The following APOL6 variants were observed in gnomAD, a reference collection of about 807,000 sequenced individuals.
APOL6 encodes the protein apolipoprotein L, 6.
In APOL6, 1 loss-of-function variant was observed where a neutral mutation model predicts 2.4. That is an observed-to-expected ratio of 0.41 (90% CI 0.15 to 1.94). The LOEUF is 1.94. Among genes scored for constraint, APOL6 ranks in the 30% most tolerant of loss-of-function variants. The pLI is 0.30. For synonymous variants in APOL6, 189 were observed against 169.3 expected, an observed-to-expected ratio of 1.12 and a Z score of -0.90; for missense variants, 438 against 429.2, an observed-to-expected ratio of 1.02 and a Z score of -0.18.
chr22:35,656,102 AAAT>A (rs1311725515), intron 1 of APOL6, among the ~76,000 whole-genome samples: 1 of 152,206 alleles, frequency 6.6e-6, no homozygotes, highest in Non-Finnish European at 1.5e-5. Context: ...ATTTGGCTCA[AAAT>A]AATCCTTATG....
At chr22:35,651,797 T>C (rs1412416090) in intron 1 of APOL6, among the ~76,000 whole-genome samples, 2 of 152,240 alleles carry the variant, frequency 1.3e-5, no homozygotes, top group African/African-American at 2.4e-5. Flanking sequence ...CAGTCTAGCA[T>C]TGTTGGACAT....
At position 35,662,440 on chromosome 22, in the gene APOL6, G is replaced by A. The variant is rs1925054367; in HGVS notation, c.*2844G>A. The A allele has an allele frequency of 6.6e-6, 1 of 152,170 alleles. No homozygotes were observed. Among genetic ancestry groups the A allele is most frequent in the Admixed American group, 6.5e-5 (1 of 15,272 alleles). The allele number at this position is 152,170 out of a possible 1,614,324, so 9.4% of individuals were successfully genotyped here. On this transcript the variant is annotated 3_prime_UTR_variant, in exon 3 of 3. Transcript: ENST00000409652. ...ATTCAAAGTTATCTCTCTGCTCACT[G>A]AGATAGATACATATCTGATTGCCTC...
At chr22:35,652,797 T>C (rs560580101) in intron 1 of APOL6, among the ~76,000 whole-genome samples, 1 of 152,232 alleles carries the variant, frequency 6.6e-6, no homozygotes, top group East Asian at 1.9e-4. Flanking sequence ...TTGGTTACTG[T>C]AGCCTTGTAG....
chr22:35,648,757 G>C (rs1924613023), intron 1 of APOL6, 134 bp downstream of exon 1: 1 of 152,290 alleles, frequency 6.6e-6, no homozygotes, highest in Admixed American at 6.5e-5. Flanking sequence ...GGGTTCAAAT[G>C]CCAGCCAGAG....
chr22:35,652,212 G>A (rs141662351), intron 1 of APOL6, among the ~76,000 whole-genome samples: 1 of 152,018 alleles, frequency 6.6e-6, no homozygotes, highest in African/African-American at 2.4e-5. Context: ...AGAAGTGTCT[G>A]TTCATATCCT....
chr22:35,656,574 C>CT, intron 2 of APOL6, 99 bp downstream of exon 2: 1 of 1,422,194 alleles, frequency 7.0e-7, no homozygotes, highest in Non-Finnish European at 9.9e-7. Context: ...ATAGGATTAG[C>CT]TGTTAAGTGG....
At chr22:35,655,351 T>C (rs1032526309) in intron 1 of APOL6, among the ~76,000 whole-genome samples, 2 of 152,172 alleles carry the variant, frequency 1.3e-5, no homozygotes, top group African/African-American at 4.8e-5. Context: ...CAGGTCAAGA[T>C]GGAGAAAAGG....
At chr22:35,651,660 T>G (rs1480460592) in intron 1 of APOL6, among the ~76,000 whole-genome samples, 1 of 152,156 alleles carries the variant, frequency 6.6e-6, no homozygotes, top group Non-Finnish European at 1.5e-5. Flanking sequence ...TGGTTTTTTG[T>G]CCTTGCGATA....
rs1360526111 is a variant in APOL6, at chr22:35,661,274, C to T, written c.*1678C>T. ...TCGGGAGGCTGAGGCAGGAGAATCGCTTGAACCCAGGCTGTAAAGGTTGCA... is the reference window on the plus strand; with the variant it reads ...TCGGGAGGCTGAGGCAGGAGAATCGTTTGAACCCAGGCTGTAAAGGTTGCA... On this transcript the variant is annotated 3_prime_UTR_variant, in exon 3 of 3. Coordinates refer to ENST00000409652, the MANE Select transcript of APOL6 (RefSeq NM_030641.4). The T allele has an allele frequency of 6.8e-6, 1 of 147,394 alleles. No homozygotes were observed. Among genetic ancestry groups the T allele is most frequent in the Non-Finnish European group, 1.5e-5 (1 of 67,526 alleles). The allele number at this position is 147,394 out of a possible 1,614,324, so 9.1% of individuals were successfully genotyped here. A position where few individuals can be genotyped will look rare whatever the true frequency, so the allele number is the denominator to read the frequency against.
rs1019450015 is a variant in APOL6 at position 35,666,129 on chromosome 22, G to A, written c.*6533G>A. 1 of 152,114 alleles carries A rather than the reference G, an allele frequency of 6.6e-6. No homozygotes were observed. Among genetic ancestry groups the A allele is most frequent in the African/African-American group, 2.4e-5 (1 of 41,432 alleles). 9.4% of individuals were successfully genotyped at this position (152,114 alleles called of 1,614,324 possible). A position where few individuals can be genotyped will look rare whatever the true frequency, so the allele number is the denominator to read the frequency against. On this transcript the variant is annotated 3_prime_UTR_variant, in exon 3 of 3. Coordinates refer to ENST00000409652, the MANE Select transcript of APOL6 (RefSeq NM_030641.4). ...TAATATAACTTAGTGTACATTATCA[G>A]TAATAATCATAATTGTTATATTAAA...
rs1044978530 is a variant in APOL6, at chr22:35,667,148, G to A, written c.*7552G>A. On this transcript the variant is annotated 3_prime_UTR_variant, in exon 3 of 3. Transcript: ENST00000409652. Reference sequence around the variant, plus strand: ...CCCATATTTTGTGTACACAGTCTCCGTACAAGATTTCTGACCTGTAGTAAG... The same window carrying A: ...CCCATATTTTGTGTACACAGTCTCCATACAAGATTTCTGACCTGTAGTAAG... The A allele has an allele frequency of 4.6e-5, 7 of 152,168 alleles. No homozygotes were observed. Among genetic ancestry groups the A allele is most frequent in the African/African-American group, 9.7e-5 (4 of 41,448 alleles). 9.4% of individuals were successfully genotyped at this position (152,168 alleles called of 1,614,324 possible). A position where few individuals can be genotyped will look rare whatever the true frequency, so the allele number is the denominator to read the frequency against.
At position 35,659,462 on chromosome 22, in the gene APOL6, G is replaced by A; in HGVS notation, c.898G>A (p.Ala300Thr). ...CTTGCAGCAGAAAGTGAGGTCAAGG[G>A]CCAGAGGGGTGGGGAAGGATTTAAC... ...KSLQQKVRSR[A>T]RGVGKDLTGT... Residue 300 changes from alanine (A) to threonine (T), a missense_variant, in exon 3 of 3, where the codon GCC becomes ACC. Physicochemically the swap from Ala to Thr is moderately conservative, Grantham distance 58. Transcript: ENST00000409652. 1.2e-6 allele frequency: 2 copies of A among 1,614,042 alleles called. No individual in the cohort carries two copies. The highest frequency in any genetic ancestry group is 1.7e-6 in the Non-Finnish European group (2 of 1,180,022).
chr22:35,651,744 T>C (rs189978356), intron 1 of APOL6, among the ~76,000 whole-genome samples: 26 of 152,346 alleles, frequency 1.7e-4, no homozygotes, highest in African/African-American at 4.8e-4. Context: ...TTTTTATGGC[T>C]GCATAGTATT....
chr22:35,653,566 C>T (rs952500357), intron 1 of APOL6, among the ~76,000 whole-genome samples: 17 of 152,064 alleles, frequency 1.1e-4, no homozygotes, highest in African/African-American at 3.9e-4. Context: ...TTTTGAGATA[C>T]GTGGCAAGGA....
chr22:35,656,451 G>GTGA lies in APOL6; in HGVS notation c.27_29dup (p.Ser9_Glu10insAsp). 1 of 1,614,164 alleles carries GTGA rather than the reference G, an allele frequency of 6.2e-7. No individual in the cohort carries two copies. ...ATGGACAACCAGGCGGAGAGAGAAA[G>GTGA]TGAGGCTGGTGTTGGTTTGCAAAGG... is the stretch of plus-strand genomic sequence containing the variant. On this transcript the variant is annotated inframe_insertion, in exon 2 of 3. Transcript: ENST00000409652.
At position 35,664,450 on chromosome 22, in the gene APOL6, G is replaced by T. The variant is rs935908635; in HGVS notation, c.*4854G>T. The T allele has an allele frequency of 1.3e-5, 2 of 152,210 alleles. No individual in the cohort carries two copies. The highest frequency in any genetic ancestry group is 2.1e-4 in the South Asian group (1 of 4,834). The allele number at this position is 152,210 out of a possible 1,614,324, so 9.4% of individuals were successfully genotyped here. On this transcript the variant is annotated 3_prime_UTR_variant, in exon 3 of 3. Transcript: ENST00000409652. ...TGTTTCGAAGCTGAACTTAAACTAG[G>T]TTCCTCCCAAAGTTCATTCGGCCTA...
intron 2 of APOL6, 68 bp downstream of exon 2, chr22:35,656,543 A>T: frequency 6.4e-7 from 1 of 1,566,886 alleles, no homozygotes; most frequent in Non-Finnish European, 8.8e-7. Context: ...CATCCTCACG[A>T]TAAGGAATAC....
chr22:35,659,674 G>C lies in APOL6; in HGVS notation c.*78G>C. The C allele has an allele frequency of 6.8e-7, 1 of 1,479,610 alleles. No homozygotes were observed. The highest frequency in any genetic ancestry group is 9.0e-7 in the Non-Finnish European group (1 of 1,114,336). 91.7% of individuals were successfully genotyped at this position (1,479,610 alleles called of 1,614,324 possible). The stretch of plus-strand genomic sequence containing the variant: ...GTACATCTTGGAGATGAGGGTGCCT[G>C]TCCTGGACAGACCTCGGCATGCCTT... On this transcript the variant is annotated 3_prime_UTR_variant, in exon 3 of 3. Coordinates refer to ENST00000409652, the MANE Select transcript of APOL6 (RefSeq NM_030641.4).
chr22:35,655,950 T>A (rs1924833506), intron 1 of APOL6, among the ~76,000 whole-genome samples: 1 of 152,210 alleles, frequency 6.6e-6, no homozygotes, highest in Non-Finnish European at 1.5e-5. Flanking sequence ...AGTAAGTCAA[T>A]GTCATCTTTG....
Sources: allele counts gnomAD v4.1 joint callset (sites outside exome capture counted in the v4.1 genomes callset), GRCh38; gene constraint gnomAD v4.1.1; transcripts MANE v1.5; gene names NCBI Gene and HGNC (gene_info 2026-07-23, HGNC 2026-07-21).